CSMD1: variants seen among roughly 807,000 people sequenced by gnomAD.
CSMD1 encodes CUB and sushi domain-containing protein 1.
CSMD1 carries 213 observed loss-of-function variants against 417.5 expected under a neutral mutation model. That is an observed-to-expected ratio of 0.51 (90% CI 0.46 to 0.57). The LOEUF (loss-of-function observed/expected upper bound fraction) is 0.57. CSMD1 is among the 20% of genes least tolerant of loss of function. CSMD1 has a pLI of 0.00. For synonymous variants in CSMD1, 2,862 were observed against 1,736.8 expected, an observed-to-expected ratio of 1.65 and a Z score of -16.11; for missense variants, 6,923 against 4,529.7, an observed-to-expected ratio of 1.53 and a Z score of -15.17.
chr8:3,000,517 G>C (rs550055076), intron 52 of CSMD1, among the ~76,000 whole-genome samples: 1 of 152,224 alleles, frequency 6.6e-6, no homozygotes, highest in South Asian at 2.1e-4. Flanking sequence ...TATTGATTAT[G>C]GGTAGTAAGG....
In CSMD1 at chr8:4,820,225, T is replaced by C. The variant is rs150315021; in HGVS notation, c.85+174107A>G. 1.6e-3 allele frequency among the ~76,000 whole-genome samples: 238 copies of C among 152,290 alleles called. 3 individuals carry two copies. Among genetic ancestry groups the C allele is most frequent in the African/African-American group, 5.5e-3 (228 of 41,570 alleles). On this transcript the variant is annotated intron_variant, in intron 1 of 69. Coordinates refer to ENST00000635120, the MANE Select transcript of CSMD1 (RefSeq NM_033225.6). ...CCTGGACAGAGAATGATATGCATTA[T>C]TGAATTGTAGCGGTGACCCGACTTC...
chr8:4,155,347 G>A (rs1331038900), intron 3 of CSMD1, among the ~76,000 whole-genome samples: 2 of 152,146 alleles, frequency 1.3e-5, no homozygotes, highest in Non-Finnish European at 2.9e-5. Flanking sequence ...GACTCCCGCA[G>A]GGTAAACAGC....
chr8:4,160,392 CAT>C, intron 3 of CSMD1, among the ~76,000 whole-genome samples: 2 of 152,084 alleles, frequency 1.3e-5, no homozygotes, highest in Admixed American at 6.6e-5. Context: ...GTTATGTTGA[CAT>C]ATATATACGC....
chr8:3,893,554 G>A (rs1426004402), intron 5 of CSMD1, among the ~76,000 whole-genome samples: 4 of 151,354 alleles, frequency 2.6e-5, no homozygotes, highest in Non-Finnish European at 5.9e-5. Flanking sequence ...AAAGGCAAAC[G>A]CCACTGCTCT....
chr8:4,756,911 C>G (rs919829225), intron 1 of CSMD1, among the ~76,000 whole-genome samples: 1 of 152,154 alleles, frequency 6.6e-6, no homozygotes, highest in Non-Finnish European at 1.5e-5. Flanking sequence ...ATCCTTTAAC[C>G]GGAAACAGCT....
intron 5 of CSMD1, among the ~76,000 whole-genome samples, chr8:3,764,149 C>G (rs935538005): frequency 1.3e-5 from 2 of 152,284 alleles, no homozygotes; most frequent in Admixed American, 1.3e-4. Flanking sequence ...GCACAGCACT[C>G]TCTCACTCCA....
chr8:3,599,483 C>A (rs1401467105), intron 8 of CSMD1, among the ~76,000 whole-genome samples: 1 of 151,928 alleles, frequency 6.6e-6, no homozygotes, highest in East Asian at 1.9e-4. Context: ...GCATTAGTAA[C>A]CCCAACGCAG....
intron 1 of CSMD1, among the ~76,000 whole-genome samples, chr8:4,732,177 G>A (rs182782503): frequency 3.9e-5 from 6 of 152,174 alleles, no homozygotes; most frequent in Admixed American, 1.3e-4. Context: ...AAAAGCGTTC[G>A]GTAGCAGACC....
chr8:4,208,787 A>C (rs2131279275), intron 3 of CSMD1, among the ~76,000 whole-genome samples: 1 of 152,358 alleles, frequency 6.6e-6, no homozygotes, highest in Middle Eastern at 3.4e-3. Context: ...AATCAGAAGA[A>C]GAACATCTAG....
chr8:3,332,504 C>T (rs1806970276), intron 23 of CSMD1, among the ~76,000 whole-genome samples: 1 of 152,236 alleles, frequency 6.6e-6, no homozygotes, highest in Non-Finnish European at 1.5e-5. Context: ...AAAACTATGC[C>T]TGTGACCATT....
At chr8:3,655,708 A>G (rs1798068316) in intron 7 of CSMD1, among the ~76,000 whole-genome samples, 1 of 146,596 alleles carries the variant, frequency 6.8e-6, no homozygotes, top group East Asian at 2.0e-4. Flanking sequence ...ATATCCACCC[A>G]TTCTAAATGA....
At chr8:3,205,059 G>A (rs1191545485) in intron 31 of CSMD1, among the ~76,000 whole-genome samples, 1 of 152,212 alleles carries the variant, frequency 6.6e-6, no homozygotes, top group African/African-American at 2.4e-5. Flanking sequence ...CCGTCCCTCA[G>A]CACTTACAGG....
chr8:4,168,369 T>C (rs1021478079), intron 3 of CSMD1, among the ~76,000 whole-genome samples: 2 of 152,026 alleles, frequency 1.3e-5, no homozygotes, highest in African/African-American at 4.8e-5. Context: ...GTACTCAGTC[T>C]TGGTGACAGA....
chr8:4,231,168 G>T (rs1202014223), intron 3 of CSMD1, among the ~76,000 whole-genome samples: 1 of 152,174 alleles, frequency 6.6e-6, no homozygotes, highest in Non-Finnish European at 1.5e-5. Flanking sequence ...ATAGTGAAAT[G>T]TTTAAAATAC....
chr8:4,986,191 C>G (rs1811171236), intron 1 of CSMD1, among the ~76,000 whole-genome samples: 1 of 152,126 alleles, frequency 6.6e-6, no homozygotes, highest in African/African-American at 2.4e-5. Context: ...GTGGAATCCA[C>G]CATTTTCACA....
chr8:3,976,476 A>C (rs1462751164), intron 5 of CSMD1, among the ~76,000 whole-genome samples: 1 of 152,204 alleles, frequency 6.6e-6, no homozygotes, highest in East Asian at 1.9e-4. Context: ...CGGGTCTAGA[A>C]GTGTGACTAA....
At chr8:4,124,462 A>C (rs1305166876) in intron 3 of CSMD1, among the ~76,000 whole-genome samples, 1 of 152,184 alleles carries the variant, frequency 6.6e-6, no homozygotes, top group Non-Finnish European at 1.5e-5. Flanking sequence ...GCAGATGGCC[A>C]CTGTGGACTT....
At chr8:4,948,264 C>T (rs1808497813) in intron 1 of CSMD1, among the ~76,000 whole-genome samples, 1 of 151,880 alleles carries the variant, frequency 6.6e-6, no homozygotes, top group Non-Finnish European at 1.5e-5. Flanking sequence ...TCGTCTTTAC[C>T]ATTAATGGGG....
intron 3 of CSMD1, among the ~76,000 whole-genome samples, chr8:4,191,701 AAT>A: frequency 6.6e-6 from 1 of 151,632 alleles, no homozygotes; most frequent in African/African-American, 2.4e-5. Flanking sequence ...GCCTTTACCA[AAT>A]ATATATACTC....
Sources: gnomAD v4.1 joint callset for allele counts (sites outside exome capture counted in the v4.1 genomes callset) on GRCh38, gnomAD v4.1.1 for gene constraint, MANE v1.5 for transcripts, NCBI Gene and HGNC (gene_info 2026-07-23, HGNC 2026-07-21) for gene names.